Variants in LDB2 observed in about 807,000 individuals in gnomAD.
The protein encoded by LDB2 is LIM domain binding 2, also known as LIM domain-binding protein 2.
A neutral mutation model predicts 44.3 loss-of-function variants in LDB2; 12 were observed. The ratio of observed to expected loss-of-function variants is 0.27; its 90% confidence interval spans 0.17 to 0.44. The LOEUF (loss-of-function observed/expected upper bound fraction) is 0.44, where lower values mean the gene tolerates loss of function less well. LDB2 is among the 20% of genes least tolerant of loss of function. The pLI is 1.00. For synonymous variants in LDB2, 164 were observed against 174.8 expected, an observed-to-expected ratio of 0.94 and a Z score of 0.49; for missense variants, 344 against 473.5, an observed-to-expected ratio of 0.73 and a Z score of 2.54.
chr4:16,872,873 G>A (rs1208014779), intron 1 of LDB2, among the ~76,000 whole-genome samples: 3 of 152,186 alleles, frequency 2.0e-5, no homozygotes, highest in African/African-American at 7.2e-5. Context: ...TGCAAGCAAA[G>A]CAAGAAAAGC....
chr4:16,656,637 A>G (rs531826392), intron 2 of LDB2, among the ~76,000 whole-genome samples: 1 of 152,354 alleles, frequency 6.6e-6, no homozygotes, highest in South Asian at 2.1e-4. Context: ...ATTTCATTAC[A>G]TAAGATGTTA....
intron 5 of LDB2, among the ~76,000 whole-genome samples, chr4:16,547,289 C>A (rs771641278): frequency 5.3e-5 from 8 of 152,284 alleles, no homozygotes; most frequent in Middle Eastern, 3.4e-3. Flanking sequence ...ATTTCTTAGA[C>A]CTTCAGAGGG....
intron 2 of LDB2, among the ~76,000 whole-genome samples, chr4:16,754,768 G>A (rs909290638): frequency 6.6e-6 from 1 of 152,156 alleles, no homozygotes; most frequent in African/African-American, 2.4e-5. Context: ...CTGACCTCAG[G>A]TGATTCACCT....
At chr4:16,555,337 AAAT>A (rs1739176877) in intron 5 of LDB2, among the ~76,000 whole-genome samples, 1 of 152,188 alleles carries the variant, frequency 6.6e-6, no homozygotes, top group Non-Finnish European at 1.5e-5. Flanking sequence ...TTACTATGGG[AAAT>A]TCCTTAGCAT....
intron 1 of LDB2, among the ~76,000 whole-genome samples, chr4:16,824,225 GT>G (rs1782630304): frequency 6.6e-6 from 1 of 151,596 alleles, no homozygotes. Context: ...GTGTGTATGT[GT>G]GTGTGTGTGT....
intron 5 of LDB2, among the ~76,000 whole-genome samples, chr4:16,528,020 A>G (rs1393612514): frequency 6.6e-6 from 1 of 151,926 alleles, no homozygotes; most frequent in Non-Finnish European, 1.5e-5. Context: ...TATATACACT[A>G]CTTAGCCATA....
At chr4:16,542,341 T>C (rs1418411162) in intron 5 of LDB2, among the ~76,000 whole-genome samples, 2 of 152,004 alleles carry the variant, frequency 1.3e-5, no homozygotes, top group East Asian at 1.9e-4. Context: ...ATAAATGCCA[T>C]GAAGATAATA....
chr4:16,842,644 A>T (rs1175472029), intron 1 of LDB2, among the ~76,000 whole-genome samples: 1 of 152,224 alleles, frequency 6.6e-6, no homozygotes, highest in Non-Finnish European at 1.5e-5. Context: ...TTCATTCCAT[A>T]GCAGCCTTTG....
At chr4:16,698,164 C>A (rs1752629801) in intron 2 of LDB2, among the ~76,000 whole-genome samples, 1 of 152,014 alleles carries the variant, frequency 6.6e-6, no homozygotes, top group African/African-American at 2.4e-5. Context: ...TTTTATTTAC[C>A]CAGTTTCTTG....
At chr4:16,589,438 C>T (rs1718140057) in intron 3 of LDB2, among the ~76,000 whole-genome samples, 1 of 152,096 alleles carries the variant, frequency 6.6e-6, no homozygotes, top group South Asian at 2.1e-4. Flanking sequence ...ATAAATTCTG[C>T]TTGCATAAAA....
intron 3 of LDB2, among the ~76,000 whole-genome samples, chr4:16,589,803 G>T (rs952460687): frequency 6.6e-6 from 1 of 152,110 alleles, no homozygotes; most frequent in African/African-American, 2.4e-5. Context: ...ATAGCGGGCG[G>T]ATACTTTGGC....
At chr4:16,805,085 G>A (rs1778528044) in intron 1 of LDB2, among the ~76,000 whole-genome samples, 1 of 151,914 alleles carries the variant, frequency 6.6e-6, no homozygotes, top group Non-Finnish European at 1.5e-5. Flanking sequence ...AAAGGAGAGA[G>A]AGGGAGATGG....
intron 5 of LDB2, among the ~76,000 whole-genome samples, chr4:16,538,122 C>CTGTT (rs546659327): frequency 1.3e-5 from 2 of 152,186 alleles, no homozygotes; most frequent in Non-Finnish European, 2.9e-5. Context: ...AACCCATGGA[C>CTGTT]TGTTTGGCTC....
rs529284879 is a variant in LDB2 at position 16,612,320 on chromosome 4, C to G, written c.236-16445G>C. On this transcript the variant is annotated intron_variant, in intron 2 of 7. Coordinates refer to ENST00000304523, the MANE Select transcript of LDB2 (RefSeq NM_001290.5). ...ATTAAAAGAGCTAGAGAGGCAAGAG[C>G]AAACTAATCCAACAGCTAGCAGAAG... Among the ~76,000 whole-genome samples, 8 of 152,028 alleles carry G rather than the reference C, an allele frequency of 5.3e-5. 1 individual carries two copies. The South Asian group carries it at 1.0e-3, about 20-fold the overall frequency.
intron 1 of LDB2, among the ~76,000 whole-genome samples, chr4:16,768,185 G>A (rs1021320145): frequency 6.6e-6 from 1 of 151,980 alleles, no homozygotes. Flanking sequence ...TCTATTCCTT[G>A]AAAATGTGTT....
intron 2 of LDB2, among the ~76,000 whole-genome samples, chr4:16,673,828 A>G (rs1182354164): frequency 6.6e-6 from 1 of 152,168 alleles, no homozygotes; most frequent in Non-Finnish European, 1.5e-5. Flanking sequence ...AGGGTTGGGA[A>G]AGCATGGGCT....
At chr4:16,629,498 A>T (rs1327996368) in intron 2 of LDB2, among the ~76,000 whole-genome samples, 1 of 152,086 alleles carries the variant, frequency 6.6e-6, no homozygotes, top group African/African-American at 2.4e-5. Context: ...CAGGGCCTGG[A>T]GTGGACCTCC....
intron 1 of LDB2, among the ~76,000 whole-genome samples, chr4:16,883,843 A>C (rs2110456166): frequency 6.6e-6 from 1 of 152,260 alleles, no homozygotes; most frequent in Non-Finnish European, 1.5e-5. Flanking sequence ...GACCTCAAGG[A>C]TGGGCAAATA....
chr4:16,608,834 T>C (rs913182897), intron 2 of LDB2, among the ~76,000 whole-genome samples: 1 of 152,144 alleles, frequency 6.6e-6, no homozygotes, highest in Non-Finnish European at 1.5e-5. Flanking sequence ...AGACATCTGC[T>C]GGACCACACG....
Sources: allele counts gnomAD v4.1 joint callset (sites outside exome capture counted in the v4.1 genomes callset), GRCh38; gene constraint gnomAD v4.1.1; transcripts MANE v1.5; gene names NCBI Gene and HGNC (gene_info 2026-07-23, HGNC 2026-07-21).